AGGF1: variants seen among roughly 807,000 people sequenced by gnomAD.
AGGF1 encodes angiogenic factor with G patch and FHA domains 1.
In AGGF1, 56 loss-of-function variants were observed where a neutral mutation model predicts 86.5. That is an observed-to-expected ratio of 0.65 (90% CI 0.52 to 0.81). AGGF1 has a LOEUF of 0.81. Among genes scored for constraint, AGGF1 ranks in the 30% least tolerant of loss-of-function variants. The pLI is 0.00. For synonymous variants in AGGF1, 313 were observed against 297.1 expected (o/e 1.05, Z -0.55); for missense variants, 816 against 850.9 (o/e 0.96, Z 0.51).
chr5:77,055,414 T>A, intron 10 of AGGF1, 100 bp from the exon 11 acceptor site: 1 of 742,886 alleles, frequency 1.3e-6, no homozygotes, highest in East Asian at 2.8e-5. Context: ...TTAATTGGAA[T>A]GGGTTATATT....
At chr5:77,056,694 A>T (rs547777141) in intron 11 of AGGF1, among the ~76,000 whole-genome samples, 10 of 152,280 alleles carry the variant, frequency 6.6e-5, no homozygotes, top group Non-Finnish European at 1.3e-4. Context: ...AAACTTCTAG[A>T]AACTTTTTTT....
chr5:77,054,075 T>C lies in AGGF1; in HGVS notation c.1578T>C (p.Cys526=), dbSNP rs6865460. 0.014 allele frequency: 22,968 copies of C among 1,614,148 alleles called. 277 individuals carry two copies. The highest frequency in any genetic ancestry group is 0.054 in the African/African-American group (4,037 of 75,044). The change falls in exon 10 of 14, where the codon TGT becomes TGC. Residue 526 remains cysteine, a synonymous_variant. Transcript: ENST00000312916. The part of the protein sequence containing the change: ...IHPGSDTCDG[C]EPGQVRAHLR... Reference sequence around the variant, plus strand: ...CTGGCAGTGATACCTGTGATGGCTGTGAACCAGGGCAGGTTAGAGCCCACC... The same window carrying C: ...CTGGCAGTGATACCTGTGATGGCTGCGAACCAGGGCAGGTTAGAGCCCACC...
In AGGF1 at chr5:77,055,551, A is replaced by G; in HGVS notation, c.1671A>G (p.Glu557=). The stretch of plus-strand genomic sequence containing the variant: ...TAAGTAAGGAGGAAAAAGAGTTGGA[A>G]AGAAGAAAAGAATTAAAGAAAATAC... The part of the protein sequence containing the change: ...PTLSKEEKEL[E]RRKELKKIRV... Residue 557 remains glutamate (E), a synonymous_variant, in exon 11 of 14, where the codon GAA becomes GAG. Coordinates refer to ENST00000312916, the MANE Select transcript of AGGF1 (RefSeq NM_018046.5). The G allele has an allele frequency of 6.2e-7, 1 of 1,603,470 alleles. No homozygotes were observed. The highest frequency in any genetic ancestry group is 8.5e-7 in the Non-Finnish European group (1 of 1,171,316).
chr5:77,036,180 TAC>T (rs1561283927), intron 3 of AGGF1: 1 of 270,136 alleles, frequency 3.7e-6, no homozygotes, highest in African/African-American at 2.3e-5. Context: ...TCATTTAATC[TAC>T]AGTTTTCTCC....
In AGGF1 at chr5:77,046,622, T is replaced by C. The variant is rs61736982; in HGVS notation, c.1146T>C (p.Tyr382=). The C allele has an allele frequency of 4.1e-3, 6,669 of 1,614,038 alleles. 28 individuals are homozygous for C. The highest frequency in any genetic ancestry group is 4.4e-3 in the Non-Finnish European group (5,153 of 1,179,944). Residue 382 remains tyrosine, a synonymous_variant, in exon 6 of 14, where the codon TAT becomes TAC. Coordinates refer to ENST00000312916, the MANE Select transcript of AGGF1 (RefSeq NM_018046.5). ...EITDSQTEDS[Y]DEAITSEGNV... The stretch of plus-strand genomic sequence containing the variant: ...CAGACTCTCAGACTGAGGATAGTTA[T>C]GACGAAGCCATTACCAGTGAAGGCA...
chr5:77,050,520 A>G (rs1747353650), intron 8 of AGGF1, among the ~76,000 whole-genome samples: 1 of 151,848 alleles, frequency 6.6e-6, no homozygotes, highest in African/African-American at 2.4e-5. Context: ...TTAAACTAAC[A>G]TCCGCTAGTG....
intron 11 of AGGF1, among the ~76,000 whole-genome samples, chr5:77,059,079 CT>C (rs749715802): frequency 1.3e-5 from 2 of 152,170 alleles, no homozygotes; most frequent in Non-Finnish European, 2.9e-5. Flanking sequence ...CTATAGGTCC[CT>C]TGGAACTTTC....
chr5:77,039,748 C>T lies in AGGF1; in HGVS notation c.870+29C>T. On this transcript the variant is annotated intron_variant, in intron 5 of 13. Transcript: ENST00000312916. ...ATGTCTTTACAATTTTAAAAATTGA[C>T]ATAATGGTGATAACATGATAATTAA... is the stretch of plus-strand genomic sequence containing the variant. 1.9e-6 allele frequency: 3 copies of T among 1,587,126 alleles called. No homozygotes were observed. The South Asian group carries it at 3.4e-5, about 18-fold the overall frequency.
At position 77,046,670 on chromosome 5, in the gene AGGF1, G is replaced by C. The variant is rs1208616689; in HGVS notation, c.1194G>C (p.Glu398Asp). 1 of 1,613,580 alleles carries C rather than the reference G, an allele frequency of 6.2e-7. No individual in the cohort carries two copies. Among genetic ancestry groups the C allele is most frequent in the African/African-American group, 1.3e-5 (1 of 75,026 alleles). Residue 398 changes from glutamate to aspartate, a missense_variant, in exon 6 of 14, where the codon GAG becomes GAC. Transcript: ENST00000312916. ...GCAATGTAACTGCAGAAGATAGTGA[G>C]GATGAAGGTGAGTAAATAATCATTA... The part of the protein sequence containing the change: ...SEGNVTAEDS[E>D]DEDEDKIWPP...
At chr5:77,054,171 C>T (rs900368077) in intron 10 of AGGF1, 41 bp downstream of exon 10, 23 of 1,608,798 alleles carry the variant, frequency 1.4e-5, no homozygotes, top group Non-Finnish European at 2.0e-5. Flanking sequence ...TAACATTTCT[C>T]TTTCATTACC....
chr5:77,035,562 A>G lies in AGGF1; in HGVS notation c.335A>G (p.Tyr112Cys), dbSNP rs148385240. ...ACAGATTATTTTTATCAGACGTACTACAATGACGTTAGTCTTCCAAATAAA... is the reference window on the plus strand; with the variant it reads ...ACAGATTATTTTTATCAGACGTACTGCAATGACGTTAGTCTTCCAAATAAA... ...SISDYFYQTYYNDVSLPNKVT... is the reference protein window; with the variant it reads ...SISDYFYQTYCNDVSLPNKVT... Residue 112 changes from tyrosine to cysteine, a missense_variant, in exon 3 of 14, where the codon TAC (tyrosine) becomes TGC (cysteine). By Grantham distance (194) the Tyr-to-Cys change is radical. This residue lies in a region of AGGF1 where 240 missense variants were observed against 234.4 expected (regional missense o/e 1.02). Transcript: ENST00000312916. 3.9e-4 allele frequency: 633 copies of G among 1,612,806 alleles called. 2 individuals are homozygous for G. The African/African-American group carries it at 4.9e-3, about 12-fold the overall frequency.
intron 8 of AGGF1, among the ~76,000 whole-genome samples, chr5:77,051,080 G>T (rs187963343): frequency 1.9e-4 from 29 of 152,222 alleles, no homozygotes; most frequent in African/African-American, 7.0e-4. Flanking sequence ...GGAAAAAAGT[G>T]TACAAAGGAC....
intron 8 of AGGF1, among the ~76,000 whole-genome samples, chr5:77,051,888 A>T (rs1747378238): frequency 6.6e-6 from 1 of 152,238 alleles, no homozygotes; most frequent in African/African-American, 2.4e-5. Context: ...CGACAACTCT[A>T]TAACTGTGTA....
At chr5:77,057,559 TGTGAGAC>T (rs1192782825) in intron 11 of AGGF1, among the ~76,000 whole-genome samples, 1 of 152,226 alleles carries the variant, frequency 6.6e-6, no homozygotes, top group Non-Finnish European at 1.5e-5. Context: ...GTCTGAGGTC[TGTGAGAC>T]GGAACACACT....
chr5:77,032,265 A>AAAAAC (rs1554045788), intron 1 of AGGF1, among the ~76,000 whole-genome samples: 1 of 150,250 alleles, frequency 6.7e-6, no homozygotes, highest in Non-Finnish European at 1.5e-5. Context: ...AAAAAAAAAA[A>AAAAAC]AAAAAAAAAC....
chr5:77,031,601 A>G (rs1746855326), intron 1 of AGGF1, among the ~76,000 whole-genome samples: 1 of 152,194 alleles, frequency 6.6e-6, no homozygotes, highest in South Asian at 2.1e-4. Flanking sequence ...TGTCACATTA[A>G]AAACAACCTT....
At chr5:77,032,149 C>T (rs1746866492) in intron 1 of AGGF1, among the ~76,000 whole-genome samples, 2 of 150,256 alleles carry the variant, frequency 1.3e-5, no homozygotes. Context: ...CTTTGTATGA[C>T]CATTACATGG....
intron 4 of AGGF1, 110 bp downstream of exon 4, chr5:77,036,830 C>T: frequency 1.7e-6 from 2 of 1,197,360 alleles, no homozygotes; most frequent in South Asian, 1.3e-5. Context: ...TTTCACCCCC[C>T]AGGTTCAAGT....
chr5:77,034,803 A>G (rs1393997472), intron 2 of AGGF1, among the ~76,000 whole-genome samples: 8 of 152,208 alleles, frequency 5.3e-5, no homozygotes, highest in Non-Finnish European at 4.4e-5. Context: ...ATCTACTTCC[A>G]TATCTGCCTT....
Sources: gnomAD v4.1 joint callset for allele counts (sites outside exome capture counted in the v4.1 genomes callset) on GRCh38, gnomAD v4.1.1 for gene constraint, gnomAD v4.1.1 regional missense constraint, MANE v1.5 for transcripts, NCBI Gene and HGNC (gene_info 2026-07-23, HGNC 2026-07-21) for gene names.